Variants in JAKMIP1 observed in about 807,000 individuals in gnomAD.
JAKMIP1 encodes janus kinase and microtubule-interacting protein 1.
A neutral mutation model predicts 113.0 loss-of-function variants in JAKMIP1; 33 were observed. The observed-to-expected ratio is 0.29, with a 90% CI of 0.22 to 0.39. JAKMIP1 has a LOEUF of 0.39. Among genes scored for constraint, JAKMIP1 ranks in the 10% least tolerant of loss-of-function variants. The pLI, the probability that JAKMIP1 is intolerant of heterozygous loss-of-function variation, is 1.00. For synonymous variants in JAKMIP1, 480 were observed against 459.9 expected, an observed-to-expected ratio of 1.04 and a Z score of -0.56; for missense variants, 813 against 1,080.5, an observed-to-expected ratio of 0.75 and a Z score of 3.47.
rs1395903725 is a variant in JAKMIP1, at chr4:6,178,006, C to T, written c.-148+22247G>A. On this transcript the variant is annotated intron_variant, in intron 1 of 20. Coordinates refer to ENST00000409021, the MANE Select transcript of JAKMIP1 (RefSeq NM_001099433.2). The surrounding 1 kb of genome is among the most constrained non-coding windows in gnomAD (Gnocchi z 5.5). ...ATCCGGCTTCACTTCCGGCTGCAGGCTTTTAAAGTCAAACATGACTCCTCC... is the reference window on the plus strand; with the variant it reads ...ATCCGGCTTCACTTCCGGCTGCAGGTTTTTAAAGTCAAACATGACTCCTCC... 1.3e-5 allele frequency among the ~76,000 whole-genome samples: 2 copies of T among 152,216 alleles called. No individual in the cohort carries two copies. The highest frequency in any genetic ancestry group is 4.8e-5 in the African/African-American group (2 of 41,468).
At chr4:6,043,810 G>T (rs1215123429) in intron 16 of JAKMIP1, among the ~76,000 whole-genome samples, 1 of 151,042 alleles carries the variant, frequency 6.6e-6, no homozygotes, top group Non-Finnish European at 1.5e-5. Flanking sequence ...GAACATCCCT[G>T]TTCTGCTCAG....
At chr4:6,073,392 C>T (rs1403860059) in intron 8 of JAKMIP1, among the ~76,000 whole-genome samples, 4 of 152,194 alleles carry the variant, frequency 2.6e-5, no homozygotes, top group Non-Finnish European at 5.9e-5. Flanking sequence ...GGGGACACAG[C>T]ACTGAAGCAC....
chr4:6,157,452 G>A lies in JAKMIP1; in HGVS notation c.-148+42801C>T, dbSNP rs1313300572. 1.3e-5 allele frequency among the ~76,000 whole-genome samples: 2 copies of A among 152,186 alleles called. No homozygotes were observed. Among genetic ancestry groups the A allele is most frequent in the East Asian group, 3.8e-4 (2 of 5,196 alleles). ...TCAGGTAATTTGTGATATTTAGGAA[G>A]CTACAAATTATAGATATAAGAATCT... On this transcript the variant is annotated intron_variant, in intron 1 of 20. Transcript: ENST00000409021. The surrounding 1 kb of genome is among the most constrained non-coding windows in gnomAD (Gnocchi z 4.7).
At chr4:6,052,603 A>G (rs114871592) in intron 13 of JAKMIP1, among the ~76,000 whole-genome samples, 2,526 of 139,594 alleles carry the variant, frequency 0.018, 20 homozygotes, top group Non-Finnish European at 0.029. Context: ...CCAAGAGTGC[A>G]CCACGCCACT....
At chr4:6,060,836 A>G (rs756101892) in intron 10 of JAKMIP1, among the ~76,000 whole-genome samples, 1 of 152,258 alleles carries the variant, frequency 6.6e-6, no homozygotes, top group South Asian at 2.1e-4. Context: ...CTGGGGGCCC[A>G]GGCCCAGCTC....
intron 1 of JAKMIP1, among the ~76,000 whole-genome samples, chr4:6,169,610 T>A (rs1263606314): frequency 6.8e-6 from 1 of 147,420 alleles, no homozygotes; most frequent in African/African-American, 2.5e-5. Flanking sequence ...AAATTGTGTG[T>A]GTGTGTGTGT....
In JAKMIP1 at chr4:6,178,067, G is replaced by C. The variant is rs140361895; in HGVS notation, c.-148+22186C>G. On this transcript the variant is annotated intron_variant, in intron 1 of 20. Transcript: ENST00000409021. The surrounding 1 kb of genome is among the most constrained non-coding windows in gnomAD (Gnocchi z 5.5). The stretch of plus-strand genomic sequence containing the variant: ...CCTGTCCAGCCCCTAACCCCGCCTC[G>C]TTGGCCACGCCCACTTCATGCTTCC... 1.3e-5 allele frequency among the ~76,000 whole-genome samples: 2 copies of C among 152,040 alleles called. No individual in the cohort carries two copies. Among genetic ancestry groups the C allele is most frequent in the African/African-American group, 4.8e-5 (2 of 41,386 alleles).
rs1225199021 is a variant in JAKMIP1 at position 6,199,574 on chromosome 4, G to A, written c.-148+679C>T. 6.6e-6 allele frequency among the ~76,000 whole-genome samples: 1 copy of A among 152,040 alleles called. No homozygotes were observed. The highest frequency in any genetic ancestry group is 2.4e-5 in the African/African-American group (1 of 41,444). On this transcript the variant is annotated intron_variant, in intron 1 of 20. Transcript: ENST00000409021. This position sits in a 1 kb window ranked among gnomAD's most constrained non-coding sequence, Gnocchi z 5.6. ...AGTGCGCCCAGGGCGCGCCGGCCCGGCAGGAGGGTGGGTGCCAGCCTTTCT... is the reference window on the plus strand; with the variant it reads ...AGTGCGCCCAGGGCGCGCCGGCCCGACAGGAGGGTGGGTGCCAGCCTTTCT...
chr4:6,140,301 T>C lies in JAKMIP1; in HGVS notation c.-147-27304A>G, dbSNP rs1719940634. Among the ~76,000 whole-genome samples, 1 of 151,290 alleles carries C rather than the reference T, an allele frequency of 6.6e-6. No homozygotes were observed. The highest frequency in any genetic ancestry group is 1.5e-5 in the Non-Finnish European group (1 of 67,850). ...GGGACTTTCACCAACATTTGTGTGA[T>C]ACACATCTTCCCACATAAATCATAA... On this transcript the variant is annotated intron_variant, in intron 1 of 20. Coordinates refer to ENST00000409021, the MANE Select transcript of JAKMIP1 (RefSeq NM_001099433.2). The surrounding 1 kb of genome is among the most constrained non-coding windows in gnomAD (Gnocchi z 9.4).
intron 3 of JAKMIP1, among the ~76,000 whole-genome samples, chr4:6,090,834 C>T (rs938350927): frequency 6.6e-6 from 1 of 151,350 alleles, no homozygotes; most frequent in African/African-American, 2.4e-5. Context: ...TAAACTAGAA[C>T]ATCACTGTCC....
chr4:6,109,087 G>A (rs1714444548), intron 2 of JAKMIP1, among the ~76,000 whole-genome samples: 1 of 150,860 alleles, frequency 6.6e-6, no homozygotes, highest in Non-Finnish European at 1.5e-5. Context: ...TGGGTCTAGC[G>A]CTGGGGTAGG....
chr4:6,066,727 T>TC (rs1243489015), intron 8 of JAKMIP1, among the ~76,000 whole-genome samples: 1 of 151,784 alleles, frequency 6.6e-6, no homozygotes, highest in African/African-American at 2.4e-5. Flanking sequence ...CAGCCCTCTC[T>TC]CCCCCTCTCT....
chr4:6,072,855 G>T (rs4610279), intron 8 of JAKMIP1, among the ~76,000 whole-genome samples: 71,877 of 151,878 alleles, frequency 0.47, 20,578 homozygotes, highest in Non-Finnish European at 0.66. Context: ...GAGGCAGGCA[G>T]GTCACTTGAG....
rs749966116 is a variant in JAKMIP1 at position 6,080,152 on chromosome 4, G to A, written c.1242+20C>T. 9 of 1,577,278 alleles carry A rather than the reference G, an allele frequency of 5.7e-6. No individual in the cohort carries two copies. The highest frequency in any genetic ancestry group is 1.7e-4 in the Middle Eastern group (1 of 6,030). Reference sequence around the variant, plus strand: ...TGCCACCCCTGCCAGGGGCAGCCGCGCCAGCTGTGCTAGATGTACCAGTGA... The same window carrying A: ...TGCCACCCCTGCCAGGGGCAGCCGCACCAGCTGTGCTAGATGTACCAGTGA... On this transcript the variant is annotated intron_variant, in intron 7 of 20. Transcript: ENST00000409021. The surrounding 1 kb of genome is among the most constrained non-coding windows in gnomAD (Gnocchi z 6.0).
chr4:6,058,931 C>T (rs1716860106), intron 11 of JAKMIP1, among the ~76,000 whole-genome samples: 1 of 152,206 alleles, frequency 6.6e-6, no homozygotes, highest in Non-Finnish European at 1.5e-5. Flanking sequence ...TATCATCTCG[C>T]ACCTGGATTT....
At position 6,176,448 on chromosome 4, in the gene JAKMIP1, G is replaced by A. The variant is rs750170572; in HGVS notation, c.-148+23805C>T. On this transcript the variant is annotated intron_variant, in intron 1 of 20. Coordinates refer to ENST00000409021, the MANE Select transcript of JAKMIP1 (RefSeq NM_001099433.2). The surrounding 1 kb of genome is among the most constrained non-coding windows in gnomAD (Gnocchi z 5.5). The stretch of plus-strand genomic sequence containing the variant: ...ACGGGACCAAGGAAGGATTTCCGAT[G>A]TTCAGCTGTATTGTACATTTTAATC... Among the ~76,000 whole-genome samples, 3 of 152,206 alleles carry A rather than the reference G, an allele frequency of 2.0e-5. No individual in the cohort carries two copies. The highest frequency in any genetic ancestry group is 4.4e-5 in the Non-Finnish European group (3 of 68,032).
Position 6,138,291 on chromosome 4 carries a change from A to G in JAKMIP1, c.-147-25294T>C, listed in dbSNP as rs1445597077. 6.6e-6 allele frequency among the ~76,000 whole-genome samples: 1 copy of G among 152,132 alleles called. No homozygotes were observed. The highest frequency in any genetic ancestry group is 1.5e-5 in the Non-Finnish European group (1 of 68,012). On this transcript the variant is annotated intron_variant, in intron 1 of 20. Transcript: ENST00000409021. This position sits in a 1 kb window ranked among gnomAD's most constrained non-coding sequence, Gnocchi z 6.0. Reference sequence around the variant, plus strand: ...GAGACAGAGTCTCACTCTGTCACCCAGGCTGGAGTGCAGTGGTGCAATATT... The same window carrying G: ...GAGACAGAGTCTCACTCTGTCACCCGGGCTGGAGTGCAGTGGTGCAATATT...
At chr4:6,079,668 C>T (rs1003237815) in intron 7 of JAKMIP1, among the ~76,000 whole-genome samples, 2 of 152,130 alleles carry the variant, frequency 1.3e-5, no homozygotes, top group African/African-American at 4.8e-5. Context: ...ACATACTCAA[C>T]CCCCTTTGAT....
In JAKMIP1 at chr4:6,162,192, T is replaced by C. The variant is rs925144981; in HGVS notation, c.-148+38061A>G. 6.6e-6 allele frequency among the ~76,000 whole-genome samples: 1 copy of C among 152,082 alleles called. No homozygotes were observed. The highest frequency in any genetic ancestry group is 1.5e-5 in the Non-Finnish European group (1 of 68,004). On this transcript the variant is annotated intron_variant, in intron 1 of 20. Transcript: ENST00000409021. The surrounding 1 kb of genome is among the most constrained non-coding windows in gnomAD (Gnocchi z 5.6). ...GCTGTGAGCTTGGACCTCGTCCCACTAGAGGGCAGTGGGAGCGACTGCAGA... is the reference window on the plus strand; with the variant it reads ...GCTGTGAGCTTGGACCTCGTCCCACCAGAGGGCAGTGGGAGCGACTGCAGA...
Sources: gnomAD v4.1 joint callset for allele counts (sites outside exome capture counted in the v4.1 genomes callset) on GRCh38, gnomAD v4.1.1 for gene constraint, Gnocchi (gnomAD v3.1) non-coding constraint, MANE v1.5 for transcripts, NCBI Gene and HGNC (gene_info 2026-07-23, HGNC 2026-07-21) for gene names.